RFC3: variants seen among roughly 807,000 people sequenced by gnomAD.
RFC3 encodes the protein A1 38 kDa subunit.
In RFC3, 41 loss-of-function variants were observed where a neutral mutation model predicts 45.1. The ratio of observed to expected loss-of-function variants is 0.91; its 90% CI spans 0.71 to 1.18. The LOEUF is 1.18. RFC3 is among the 50% of genes most tolerant of loss of function. RFC3 has a pLI of 0.00. For synonymous variants in RFC3, 149 were observed against 144.0 expected (o/e 1.03, Z -0.25); for missense variants, 423 against 428.1 (o/e 0.99, Z 0.10).
chr13:33,888,464 A>G (rs928603441), intron 8 of RFC3, among the ~76,000 whole-genome samples: 8 of 147,884 alleles, frequency 5.4e-5, no homozygotes, highest in Non-Finnish European at 1.0e-4. Context: ...AATTGCAGTT[A>G]AATATCTATG....
At chr13:33,851,893 A>C (rs2082278939) in intron 8 of RFC3, among the ~76,000 whole-genome samples, 1 of 152,232 alleles carries the variant, frequency 6.6e-6, no homozygotes, top group South Asian at 2.1e-4. Flanking sequence ...CTAAGTATGA[A>C]TCCATTCCCC....
chr13:33,881,509 T>C (rs1313815267), intron 8 of RFC3, among the ~76,000 whole-genome samples: 3 of 152,142 alleles, frequency 2.0e-5, no homozygotes, highest in African/African-American at 7.2e-5. Context: ...AATGTCCCAA[T>C]GGACCACTCA....
intron 8 of RFC3, among the ~76,000 whole-genome samples, chr13:33,878,685 T>C (rs1282764258): frequency 6.6e-6 from 1 of 152,128 alleles, no homozygotes; most frequent in Non-Finnish European, 1.5e-5. Context: ...GCACACAGGA[T>C]GTTCAGAGCT....
intron 8 of RFC3, among the ~76,000 whole-genome samples, chr13:33,844,173 C>G (rs1753544645): frequency 6.6e-6 from 1 of 152,178 alleles, no homozygotes; most frequent in African/African-American, 2.4e-5. Flanking sequence ...CTCTCTTGTT[C>G]TCTCTTTTAA....
At chr13:33,914,412 C>G (rs2082721170) in intron 8 of RFC3, among the ~76,000 whole-genome samples, 1 of 152,126 alleles carries the variant, frequency 6.6e-6, no homozygotes, top group African/African-American at 2.4e-5. Flanking sequence ...TCTTCCTCCA[C>G]TTTGCTCCTA....
In RFC3 at chr13:33,834,298, G is replaced by GTGTGTATATATATATATA. The variant is rs1302839326; in HGVS notation, c.810-849_810-848insGTGTATATATATATATAT. ...GAAGTATGGAACATCTGTACTGTGT[G>GTGTGTATATATATATATA]TATATATATATATATATATATATAT... On this transcript the variant is annotated intron_variant, in intron 7 of 8. Transcript: ENST00000380071. Among the ~76,000 whole-genome samples, 328 of 109,060 alleles carry GTGTGTATATATATATATA rather than the reference G, an allele frequency of 3.0e-3. 1 individual carries two copies. The highest frequency in any genetic ancestry group is 7.2e-3 in the African/African-American group (174 of 24,118). The allele number at this position is 109,060 out of a possible 152,430, so 71.5% of individuals were successfully genotyped here.
chr13:33,949,090 T>A (rs1411355906), intron 8 of RFC3, among the ~76,000 whole-genome samples: 2 of 152,096 alleles, frequency 1.3e-5, no homozygotes, highest in Admixed American at 1.3e-4. Context: ...TGTGTCCCCA[T>A]CCAAATCTCA....
chr13:33,889,062 A>T (rs2082546987), intron 8 of RFC3, among the ~76,000 whole-genome samples: 1 of 152,168 alleles, frequency 6.6e-6, no homozygotes, highest in Admixed American at 6.5e-5. Flanking sequence ...AAAATCTTAA[A>T]TTTGTATTAC....
intron 8 of RFC3, among the ~76,000 whole-genome samples, chr13:33,962,333 C>T (rs1028642982): frequency 4.6e-5 from 7 of 152,282 alleles, no homozygotes; most frequent in South Asian, 2.1e-4. Context: ...CATCCTGTCT[C>T]CTTCACTTCT....
chr13:33,890,789 C>T (rs1346785402), intron 8 of RFC3, among the ~76,000 whole-genome samples: 1 of 152,140 alleles, frequency 6.6e-6, no homozygotes, highest in Non-Finnish European at 1.5e-5. Flanking sequence ...GGTTACTTGT[C>T]CAAGGTCACA....
intron 8 of RFC3, among the ~76,000 whole-genome samples, chr13:33,903,678 C>G (rs528681509): frequency 6.6e-6 from 1 of 152,088 alleles, no homozygotes; most frequent in South Asian, 2.1e-4. Flanking sequence ...TGAGATTTAG[C>G]CCAGACCTTT....
chr13:33,829,163 A>G (rs1164017419), intron 4 of RFC3, among the ~76,000 whole-genome samples: 1 of 152,190 alleles, frequency 6.6e-6, no homozygotes, highest in African/African-American at 2.4e-5. Flanking sequence ...TGAAAAATAC[A>G]ATATTGGATT....
At chr13:33,861,849 A>G (rs1490186007) in intron 8 of RFC3, among the ~76,000 whole-genome samples, 2 of 152,224 alleles carry the variant, frequency 1.3e-5, no homozygotes, top group Non-Finnish European at 2.9e-5. Context: ...ACAGGTATTT[A>G]CTGCAGAATA....
At chr13:33,889,387 C>A (rs2082549205) in intron 8 of RFC3, among the ~76,000 whole-genome samples, 1 of 152,150 alleles carries the variant, frequency 6.6e-6, no homozygotes, top group Non-Finnish European at 1.5e-5. Flanking sequence ...ATTTAGTAAA[C>A]AAATACCCTT....
At chr13:33,834,389 C>T (rs2082134120) in intron 7 of RFC3, among the ~76,000 whole-genome samples, 1 of 142,042 alleles carries the variant, frequency 7.0e-6, no homozygotes, top group Admixed American at 7.1e-5. Context: ...GGAACTTTCT[C>T]TCTTTTTTTT....
At chr13:33,932,358 T>A (rs1369062507) in intron 8 of RFC3, among the ~76,000 whole-genome samples, 1 of 152,140 alleles carries the variant, frequency 6.6e-6, no homozygotes. Context: ...AGAAAACTCT[T>A]TGTGACTTTC....
At chr13:33,864,686 A>T (rs538436515) in intron 8 of RFC3, among the ~76,000 whole-genome samples, 136 of 152,152 alleles carry the variant, frequency 8.9e-4, no homozygotes, top group African/African-American at 3.0e-3. Flanking sequence ...AAACTATAGA[A>T]TTTTTTTCTT....
intron 8 of RFC3, among the ~76,000 whole-genome samples, chr13:33,853,758 G>A (rs922171210): frequency 6.6e-6 from 1 of 152,140 alleles, no homozygotes; most frequent in Non-Finnish European, 1.5e-5. Flanking sequence ...TGGAACCCAA[G>A]AGAGAGAAGT....
At chr13:33,904,087 A>C (rs1279389511) in intron 8 of RFC3, among the ~76,000 whole-genome samples, 1 of 151,834 alleles carries the variant, frequency 6.6e-6, no homozygotes, top group Non-Finnish European at 1.5e-5. Flanking sequence ...CTGAATTTGA[A>C]CATACTAAAA....
Sources: gnomAD v4.1 joint callset for allele counts (sites outside exome capture counted in the v4.1 genomes callset) on GRCh38, gnomAD v4.1.1 for gene constraint, MANE v1.5 for transcripts, NCBI Gene and HGNC (gene_info 2026-07-23, HGNC 2026-07-21) for gene names.